Variants in ZBTB20 observed in about 807,000 individuals in gnomAD.
ZBTB20 encodes zinc finger and BTB domain-containing protein 20.
A neutral mutation model predicts 56.9 loss-of-function variants in ZBTB20; 9 were observed. The ratio of observed to expected loss-of-function variants is 0.16; its 90% confidence interval spans 0.10 to 0.28. The LOEUF is 0.28. Among genes scored for constraint, ZBTB20 ranks in the 10% least tolerant of loss-of-function variants. The pLI is 1.00. For synonymous variants in ZBTB20, 417 were observed against 420.7 expected (o/e 0.99, Z 0.11); for missense variants, 655 against 1,003.0 (o/e 0.65, Z 4.69).
intron 7 of ZBTB20, among the ~76,000 whole-genome samples, chr3:114,498,694 T>A (rs1422471296): frequency 6.6e-6 from 1 of 152,228 alleles, no homozygotes; most frequent in Non-Finnish European, 1.5e-5. Flanking sequence ...CCCCCAGCCT[T>A]ATGTGTGGTT....
chr3:114,990,145 T>C (rs895279535), intron 2 of ZBTB20, among the ~76,000 whole-genome samples: 2 of 152,172 alleles, frequency 1.3e-5, no homozygotes, highest in Non-Finnish European at 2.9e-5. Context: ...CTATGTTGAA[T>C]AGGAGTGGTG....
At chr3:114,702,692 T>C (rs1451495724) in intron 5 of ZBTB20, among the ~76,000 whole-genome samples, 3 of 150,672 alleles carry the variant, frequency 2.0e-5, no homozygotes, top group Non-Finnish European at 4.4e-5. Flanking sequence ...TGTGTGTGTA[T>C]GTAAAGATAA....
intron 3 of ZBTB20, among the ~76,000 whole-genome samples, chr3:114,953,825 GA>G (rs1453489410): frequency 6.6e-6 from 1 of 151,952 alleles, no homozygotes; most frequent in Non-Finnish European, 1.5e-5. Context: ...AAACAGAACT[GA>G]AAAAATTAGC....
At chr3:115,098,695 C>A (rs191812083) in intron 1 of ZBTB20, among the ~76,000 whole-genome samples, 7 of 152,204 alleles carry the variant, frequency 4.6e-5, no homozygotes, top group Non-Finnish European at 1.0e-4. Context: ...TCATCACCTT[C>A]CTGAAATAAT....
chr3:114,899,458 A>T (rs1560377045), intron 4 of ZBTB20, among the ~76,000 whole-genome samples: 1 of 152,142 alleles, frequency 6.6e-6, no homozygotes, highest in South Asian at 2.1e-4. Flanking sequence ...TTATCTGAAG[A>T]GATCTACTCT....
intron 6 of ZBTB20, among the ~76,000 whole-genome samples, chr3:114,668,088 T>A (rs2061160272): frequency 6.6e-6 from 1 of 152,086 alleles, no homozygotes; most frequent in South Asian, 2.1e-4. Context: ...TTATTCTTCT[T>A]CCTTAAATGT....
intron 5 of ZBTB20, among the ~76,000 whole-genome samples, chr3:114,748,326 C>CTTTCT (rs2067247808): frequency 1.0e-5 from 1 of 99,880 alleles, no homozygotes; most frequent in African/African-American, 3.5e-5. Flanking sequence ...TTCTTTCTTT[C>CTTTCT]TTTCTTTCTT....
intron 7 of ZBTB20, among the ~76,000 whole-genome samples, chr3:114,443,942 C>T (rs1007898736): frequency 6.6e-6 from 1 of 152,076 alleles, no homozygotes; most frequent in Admixed American, 6.6e-5. Context: ...ACATAAATAG[C>T]TTGCATATAA....
intron 7 of ZBTB20, chr3:114,419,209 C>T (rs935532563): frequency 2.0e-5 from 3 of 152,186 alleles, no homozygotes; most frequent in Admixed American, 1.3e-4. Context: ...TTGAAATACA[C>T]GGAGTTCACT....
intron 6 of ZBTB20, among the ~76,000 whole-genome samples, chr3:114,667,968 T>C (rs1314407792): frequency 6.6e-6 from 1 of 151,996 alleles, no homozygotes; most frequent in East Asian, 1.9e-4. Context: ...TATAAGACTC[T>C]GTCAACATTT....
At chr3:114,601,082 C>T (rs918463099) in intron 6 of ZBTB20, among the ~76,000 whole-genome samples, 8 of 151,792 alleles carry the variant, frequency 5.3e-5, no homozygotes, top group Non-Finnish European at 8.8e-5. Context: ...TTGAAAATAC[C>T]AGATTCAACT....
chr3:115,044,471 C>G (rs1269854997), intron 2 of ZBTB20, among the ~76,000 whole-genome samples: 1 of 152,080 alleles, frequency 6.6e-6, no homozygotes, highest in African/African-American at 2.4e-5. Flanking sequence ...ATTTGAAAGG[C>G]AAAATAAATG....
At chr3:114,722,803 T>C (rs1355208359) in intron 5 of ZBTB20, among the ~76,000 whole-genome samples, 3 of 152,206 alleles carry the variant, frequency 2.0e-5, no homozygotes, top group East Asian at 3.9e-4. Flanking sequence ...TGGCTGGTTG[T>C]TGTCTGGGCA....
In ZBTB20 at chr3:115,049,685, T is replaced by A. The variant is rs927884861; in HGVS notation, c.-507+21534A>T. Among the ~76,000 whole-genome samples, 57 of 152,134 alleles carry A rather than the reference T, an allele frequency of 3.7e-4. 1 individual carries two copies. The highest frequency in any genetic ancestry group is 1.4e-3 in the African/African-American group (57 of 41,430). ...GATTTTCAGATTATGGATGTTCAAC[T>A]GGTATAAGGCAAACTGTTTAGTCAA... On this transcript the variant is annotated intron_variant, in intron 2 of 11. Transcript: ENST00000675478.
intron 4 of ZBTB20, among the ~76,000 whole-genome samples, chr3:114,813,413 C>T (rs140267184): frequency 2.4e-4 from 36 of 152,288 alleles, no homozygotes; most frequent in African/African-American, 8.4e-4. Flanking sequence ...AAAAGGATAT[C>T]AACCCTGTCC....
intron 5 of ZBTB20, among the ~76,000 whole-genome samples, chr3:114,726,997 C>T (rs556388214): frequency 9.6e-5 from 14 of 146,000 alleles, no homozygotes; most frequent in Non-Finnish European, 1.6e-4. Flanking sequence ...AAGAGTTGGA[C>T]GACTATTTCC....
intron 2 of ZBTB20, among the ~76,000 whole-genome samples, chr3:115,007,484 C>T (rs1230107105): frequency 6.6e-6 from 1 of 151,778 alleles, no homozygotes; most frequent in Non-Finnish European, 1.5e-5. Context: ...ATTTAACAAT[C>T]GCTCTGTGTT....
At chr3:114,874,685 G>A (rs2076128654) in intron 4 of ZBTB20, among the ~76,000 whole-genome samples, 1 of 152,044 alleles carries the variant, frequency 6.6e-6, no homozygotes, top group African/African-American at 2.4e-5. Context: ...GCAGTGAGAT[G>A]GCCCTGTTTA....
Position 115,133,294 on chromosome 3 carries a change from C to T in ZBTB20, c.-703+13925G>A, listed in dbSNP as rs868292975. On this transcript the variant is annotated intron_variant, in intron 1 of 11. Coordinates refer to ENST00000675478, the MANE Select transcript of ZBTB20 (RefSeq NM_001348800.3). ...GTCACACAGCTACATTCTTATTTAA[C>T]ATTCTTTTCATCTTCCAGTTTTTTC... Among the ~76,000 whole-genome samples, 3 of 152,240 alleles carry T rather than the reference C, an allele frequency of 2.0e-5. No individual in the cohort carries two copies. In the South Asian group the frequency reaches 6.2e-4, roughly 31 times the overall value.
Sources: gnomAD v4.1 joint callset for allele counts (sites outside exome capture counted in the v4.1 genomes callset) on GRCh38, gnomAD v4.1.1 for gene constraint, MANE v1.5 for transcripts, NCBI Gene and HGNC (gene_info 2026-07-23, HGNC 2026-07-21) for gene names.